SPIDR: variants seen among roughly 807,000 people sequenced by gnomAD.
SPIDR encodes DNA repair-scaffolding protein.
SPIDR carries 93 observed loss-of-function variants against 104.6 expected under a neutral mutation model. That is an observed-to-expected ratio of 0.89 (90% CI 0.75 to 1.06). The LOEUF (loss-of-function observed/expected upper bound fraction) is 1.06. Ranked by LOEUF, SPIDR falls within the 50% of genes least tolerant of loss-of-function variation. The probability of loss-of-function intolerance (pLI) is 0.00; values close to 1 mark genes in which losing one functional copy is unlikely to be tolerated. For missense variants in SPIDR, 1,154 were observed against 1,111.2 expected (o/e 1.04, Z -0.55); for synonymous variants, 431 against 416.9 (o/e 1.03, Z -0.41).
chr8:47,366,181 C>CT (rs879952686), intron 5 of SPIDR, among the ~76,000 whole-genome samples: 3 of 152,202 alleles, frequency 2.0e-5, no homozygotes, highest in Non-Finnish European at 4.4e-5. Context: ...GTGTGTCTGC[C>CT]TGAGAGAGCA....
rs571258311 is a variant in SPIDR, at chr8:47,410,458, G to A, written c.877+2497G>A. ...AGCCTCCCAAAGTGCTGGGATTACA[G>A]GTGTGAGCCATCATGCCCAGTCACT... is the stretch of plus-strand genomic sequence containing the variant. On this transcript the variant is annotated intron_variant, in intron 7 of 19. Transcript: ENST00000297423. Among the ~76,000 whole-genome samples the A allele has an allele frequency of 2.0e-4, 30 of 152,172 alleles. 2 individuals are homozygous for A. The South Asian group carries it at 5.8e-3, about 29-fold the overall frequency.
chr8:47,363,029 G>A (rs1366464767), intron 5 of SPIDR, among the ~76,000 whole-genome samples: 3 of 151,946 alleles, frequency 2.0e-5, no homozygotes, highest in African/African-American at 7.3e-5. Flanking sequence ...GCCTGCAGAT[G>A]GTCAGCACAG....
intron 8 of SPIDR, among the ~76,000 whole-genome samples, chr8:47,502,451 A>G (rs1214928105): frequency 2.6e-5 from 4 of 152,090 alleles, no homozygotes; most frequent in African/African-American, 9.7e-5. Flanking sequence ...TTATTCTCTG[A>G]TGGTAGTTTG....
At chr8:47,658,485 G>A (rs1367971181) in intron 10 of SPIDR, among the ~76,000 whole-genome samples, 1 of 152,084 alleles carries the variant, frequency 6.6e-6, no homozygotes, top group African/African-American at 2.4e-5. Flanking sequence ...GGCACCAGTT[G>A]TGTCAGCGGT....
intron 8 of SPIDR, among the ~76,000 whole-genome samples, chr8:47,571,991 T>A (rs912374891): frequency 1.3e-5 from 2 of 152,192 alleles, no homozygotes; most frequent in South Asian, 4.1e-4. Flanking sequence ...TTCTAATAGA[T>A]CAAGCTTACT....
intron 10 of SPIDR, among the ~76,000 whole-genome samples, chr8:47,650,373 A>G (rs2071395070): frequency 6.6e-6 from 1 of 152,206 alleles, no homozygotes; most frequent in Non-Finnish European, 1.5e-5. Context: ...AAAAATTAGA[A>G]TAAAATACTT....
intron 7 of SPIDR, among the ~76,000 whole-genome samples, chr8:47,414,128 T>A (rs2063900195): frequency 6.6e-6 from 1 of 152,216 alleles, no homozygotes; most frequent in Non-Finnish European, 1.5e-5. Flanking sequence ...TGGAACTGTA[T>A]AGGATGTCCT....
chr8:47,367,725 G>A (rs1243161048), intron 5 of SPIDR, among the ~76,000 whole-genome samples: 1 of 152,198 alleles, frequency 6.6e-6, no homozygotes, highest in African/African-American at 2.4e-5. Context: ...AGTGGAGTGT[G>A]TCCATAACCC....
chr8:47,490,726 C>G (rs1419069481), intron 8 of SPIDR, among the ~76,000 whole-genome samples: 1 of 152,152 alleles, frequency 6.6e-6, no homozygotes, highest in African/African-American at 2.4e-5. Flanking sequence ...AACCATCATT[C>G]TCAGCAAACT....
chr8:47,369,486 T>C (rs1301745334), intron 5 of SPIDR, among the ~76,000 whole-genome samples: 1 of 152,232 alleles, frequency 6.6e-6, no homozygotes, highest in Admixed American at 6.5e-5. Context: ...GCAATTTCCT[T>C]TGTAGGAACA....
rs147445940 is a variant in SPIDR at position 47,555,835 on chromosome 8, C to T, written c.1098-39976C>T. 5.8e-3 allele frequency among the ~76,000 whole-genome samples: 876 copies of T among 151,132 alleles called. 5 individuals are homozygous for T. The highest frequency in any genetic ancestry group is 0.028 in the Middle Eastern group (8 of 284). On this transcript the variant is annotated intron_variant, in intron 8 of 19. Transcript: ENST00000297423. ...AAATCACAGTAGCATGGAAATAATA[C>T]CACACTGTAATTTCCAGCAAAGAAA...
rs190811426 is a variant in SPIDR at position 47,627,514 on chromosome 8, A to G, written c.1544+28318A>G. Among the ~76,000 whole-genome samples, 26 of 152,382 alleles carry G rather than the reference A, an allele frequency of 1.7e-4. 1 individual carries two copies. The highest frequency in any genetic ancestry group is 6.0e-4 in the African/African-American group (25 of 41,600). On this transcript the variant is annotated intron_variant, in intron 10 of 19. Transcript: ENST00000297423. The stretch of plus-strand genomic sequence containing the variant: ...GATAAGGCATTAATTTATCTGTGAT[A>G]TATATTTTCATACGAAAACCAAAGT...
At chr8:47,643,577 C>T (rs370191025) in intron 10 of SPIDR, among the ~76,000 whole-genome samples, 9 of 152,092 alleles carry the variant, frequency 5.9e-5, no homozygotes, top group African/African-American at 1.9e-4. Flanking sequence ...TCTTGCCCAG[C>T]CTGCTCTCAA....
At chr8:47,408,492 C>T (rs1231785745) in intron 7 of SPIDR, among the ~76,000 whole-genome samples, 2 of 152,172 alleles carry the variant, frequency 1.3e-5, no homozygotes, top group Non-Finnish European at 2.9e-5. Flanking sequence ...TACTGCAGAT[C>T]TCTAGGACTG....
At chr8:47,713,104 G>C (rs1254166667) in intron 15 of SPIDR, 31 of 1,134,310 alleles carry the variant, frequency 2.7e-5, no homozygotes, top group Non-Finnish European at 3.5e-5. Context: ...TTGCCTGCTG[G>C]TGGCACCCCA....
chr8:47,381,503 A>G (rs1008073969), intron 5 of SPIDR, among the ~76,000 whole-genome samples: 13 of 152,216 alleles, frequency 8.5e-5, no homozygotes, highest in African/African-American at 3.1e-4. Context: ...TTCTTTCCTT[A>G]TGGTGCTACT....
At chr8:47,374,217 G>A (rs1366269836) in intron 5 of SPIDR, among the ~76,000 whole-genome samples, 1 of 152,158 alleles carries the variant, frequency 6.6e-6, no homozygotes, top group Non-Finnish European at 1.5e-5. Context: ...ATAGTAAGCA[G>A]TTCCATTAAA....
chr8:47,601,422 G>C (rs372325142), intron 10 of SPIDR, among the ~76,000 whole-genome samples: 1 of 152,182 alleles, frequency 6.6e-6, no homozygotes, highest in Non-Finnish European at 1.5e-5. Flanking sequence ...GAGGCTAGGC[G>C]CGGTGGCTCA....
At chr8:47,543,009 A>T (rs986760907) in intron 8 of SPIDR, among the ~76,000 whole-genome samples, 1 of 152,208 alleles carries the variant, frequency 6.6e-6, no homozygotes, top group Non-Finnish European at 1.5e-5. Flanking sequence ...CAGTTGTTGC[A>T]TGTATAAGTA....
Sources: gnomAD v4.1 joint callset for allele counts (sites outside exome capture counted in the v4.1 genomes callset) on GRCh38, gnomAD v4.1.1 for gene constraint, MANE v1.5 for transcripts, NCBI Gene and HGNC (gene_info 2026-07-23, HGNC 2026-07-21) for gene names.